SMG1: variants seen among roughly 807,000 people sequenced by gnomAD.
The protein encoded by SMG1 is SMG1 nonsense mediated mRNA decay associated PI3K related kinase, also known as serine/threonine-protein kinase SMG1.
Under a neutral mutation model 419.9 loss-of-function variants are expected in SMG1, and 22 were observed. The observed-to-expected ratio is 0.05, with a 90% CI of 0.04 to 0.07. The LOEUF is 0.07. Ranked by LOEUF, SMG1 falls within the 10% of genes least tolerant of loss-of-function variation. The pLI is 1.00. For synonymous variants in SMG1, 1,538 were observed against 1,553.5 expected, an observed-to-expected ratio of 0.99 and a Z score of 0.23; for missense variants, 3,185 against 4,342.0, an observed-to-expected ratio of 0.73 and a Z score of 7.49.
At chr16:18,920,142 G>A (rs2038138770) in intron 1 of SMG1, among the ~76,000 whole-genome samples, 1 of 151,872 alleles carries the variant, frequency 6.6e-6, no homozygotes, top group Non-Finnish European at 1.5e-5. Context: ...AGCACTTTGG[G>A]AGGCCGAGGC....
At chr16:18,886,107 T>C (rs1240836964) in intron 6 of SMG1, among the ~76,000 whole-genome samples, 1 of 152,030 alleles carries the variant, frequency 6.6e-6, no homozygotes, top group East Asian at 1.9e-4. Context: ...CTGTTTACAA[T>C]ATCCCTAAAT....
chr16:18,926,117 G>A lies in SMG1; in HGVS notation c.-76C>T, dbSNP rs560733104. On this transcript the variant is annotated 5_prime_UTR_variant, in exon 1 of 63. Coordinates refer to ENST00000446231, the MANE Select transcript of SMG1 (RefSeq NM_015092.5). ...GTCGCCGCCCGAACCGGCCGCCGCCGACACCCCGCTCCGGCCCGGGGCTGA... is the reference window on the plus strand; with the variant it reads ...GTCGCCGCCCGAACCGGCCGCCGCCAACACCCCGCTCCGGCCCGGGGCTGA... 2.8e-5 allele frequency: 37 copies of A among 1,342,574 alleles called. No homozygotes were observed. In the East Asian group the frequency reaches 4.3e-4, roughly 16 times the overall value. 83.2% of individuals were successfully genotyped at this position (1,342,574 alleles called of 1,614,324 possible). A position where few individuals can be genotyped will look rare whatever the true frequency, so the allele number is the denominator to read the frequency against.
chr16:18,846,079 G>A (rs555278578), intron 38 of SMG1, among the ~76,000 whole-genome samples: 2 of 152,152 alleles, frequency 1.3e-5, no homozygotes, highest in East Asian at 3.9e-4. Context: ...CTCCCAAAGT[G>A]CCAGAATTAC....
At position 18,889,661 on chromosome 16, in the gene SMG1, T is replaced by G. The variant is rs565653351; in HGVS notation, c.609-76A>C. The G allele has an allele frequency of 1.4e-4, 77 of 552,286 alleles. No homozygotes were observed. The South Asian group carries it at 1.5e-3, about 11-fold the overall frequency. The allele number at this position is 552,286 out of a possible 1,614,324, so 34.2% of individuals were successfully genotyped here. A position where few individuals can be genotyped will look rare whatever the true frequency, so the allele number is the denominator to read the frequency against. ...TCTATGATGACACGAGTAATACATCTTACAAAAGAATGTCTTAAGTGGTTT... is the reference window on the plus strand; with the variant it reads ...TCTATGATGACACGAGTAATACATCGTACAAAAGAATGTCTTAAGTGGTTT... On this transcript the variant is annotated intron_variant, in intron 5 of 62. Coordinates refer to ENST00000446231, the MANE Select transcript of SMG1 (RefSeq NM_015092.5).
intron 57 of SMG1, among the ~76,000 whole-genome samples, chr16:18,817,012 G>A (rs537231945): frequency 1.3e-5 from 2 of 149,422 alleles, no homozygotes; most frequent in African/African-American, 2.5e-5. Context: ...GCTACATATC[G>A]TCTTTCTCCT....
At chr16:18,908,430 T>C (rs3890185) in intron 1 of SMG1, among the ~76,000 whole-genome samples, 42,941 of 139,222 alleles carry the variant, frequency 0.31, 7,367 homozygotes, top group Non-Finnish European at 0.38. Context: ...AAGAGTTACA[T>C]TGCACCACTG....
rs1437123091 is a variant in SMG1, at chr16:18,808,574, GAA to G, written c.*993_*994del. On this transcript the variant is annotated 3_prime_UTR_variant, in exon 63 of 63. Coordinates refer to ENST00000446231, the MANE Select transcript of SMG1 (RefSeq NM_015092.5). ...TATGAAAGAAACTACAGCTATCACA[GAA>G]GAGGGAAAATTTGAATGACCTCCAA... The G allele has an allele frequency of 6.6e-6, 1 of 152,302 alleles. No individual in the cohort carries two copies. The highest frequency in any genetic ancestry group is 1.5e-5 in the Non-Finnish European group (1 of 68,014). 9.4% of individuals were successfully genotyped at this position (152,302 alleles called of 1,614,324 possible). A position where few individuals can be genotyped will look rare whatever the true frequency, so the allele number is the denominator to read the frequency against.
At position 18,808,788 on chromosome 16, in the gene SMG1, T is replaced by C. The variant is rs1029971467; in HGVS notation, c.*781A>G. 3 of 152,664 alleles carry C rather than the reference T, an allele frequency of 2.0e-5. No homozygotes were observed. The highest frequency in any genetic ancestry group is 1.9e-4 in the East Asian group (1 of 5,196). 9.5% of individuals were successfully genotyped at this position (152,664 alleles called of 1,614,324 possible). A position where few individuals can be genotyped will look rare whatever the true frequency, so the allele number is the denominator to read the frequency against. On this transcript the variant is annotated 3_prime_UTR_variant, in exon 63 of 63. Transcript: ENST00000446231. ...CTTTAAACAATCCTTGAATTTTCCA[T>C]GTTATCAGAAGTTGTTAACAGCATC...
At chr16:18,903,447 A>G (rs1402222030) in intron 1 of SMG1, among the ~76,000 whole-genome samples, 3 of 152,058 alleles carry the variant, frequency 2.0e-5, no homozygotes, top group African/African-American at 4.8e-5. Context: ...TCCTTTCCAA[A>G]ACATCTGTAA....
chr16:18,868,622 T>C lies in SMG1; in HGVS notation c.2931A>G (p.Gln977=), dbSNP rs1013279557. 6.9e-6 allele frequency: 11 copies of C among 1,585,246 alleles called. No homozygotes were observed. The highest frequency in any genetic ancestry group is 4.5e-5 in the East Asian group (2 of 44,830). ...ADNDEGHGNN[Q]LRLVLLLQYL... is the part of the protein sequence containing the mutation. ...ACTGCAGAAGAAGAACAAGTCTAAG[T>C]TGGTTGTTACCATGGCCTTCATCAT... Residue 977 remains glutamine (Q), a synonymous_variant, in exon 21 of 63, where the codon CAA becomes CAG. Coordinates refer to ENST00000446231, the MANE Select transcript of SMG1 (RefSeq NM_015092.5).
chr16:18,892,665 G>A (rs1379501800), intron 3 of SMG1, among the ~76,000 whole-genome samples: 3 of 152,012 alleles, frequency 2.0e-5, no homozygotes, highest in Admixed American at 6.6e-5. Flanking sequence ...CCCGTGAGGC[G>A]GAGGTTGCAG....
At chr16:18,846,136 A>C (rs1334908622) in intron 38 of SMG1, among the ~76,000 whole-genome samples, 2 of 152,110 alleles carry the variant, frequency 1.3e-5, no homozygotes, top group African/African-American at 4.8e-5. Flanking sequence ...TTTTTTAAAA[A>C]AATGCAGCTC....
chr16:18,909,419 C>T (rs2037707877), intron 1 of SMG1, among the ~76,000 whole-genome samples: 1 of 151,958 alleles, frequency 6.6e-6, no homozygotes, highest in Non-Finnish European at 1.5e-5. Flanking sequence ...TAGCTCACAC[C>T]TGTAATCCCA....
Position 18,842,398 on chromosome 16 carries a change from A to C in SMG1, c.6276T>G (p.Leu2092=). 2 of 1,614,012 alleles carry C rather than the reference A, an allele frequency of 1.2e-6. No individual in the cohort carries two copies. The highest frequency in any genetic ancestry group is 1.7e-6 in the Non-Finnish European group (2 of 1,179,878). The change falls in exon 40 of 63, where the codon CTT becomes CTG. Residue 2092 remains leucine (L), a synonymous_variant. Transcript: ENST00000446231. The part of the protein sequence containing the change: ...AQKRASYILR[L]EEISPWLAAM... The stretch of plus-strand genomic sequence containing the variant: ...CAGCCAACCATGGACTGATTTCTTC[A>C]AGACGCAAGATGTAACTTGCACGTT...
At chr16:18,838,257 T>C in intron 44 of SMG1, 25 bp from the exon 45 acceptor site, 1 of 1,609,444 alleles carries the variant, frequency 6.2e-7, no homozygotes, top group Non-Finnish European at 8.5e-7. Context: ...GTTTTTAAAA[T>C]AAGGTCTGCC....
At chr16:18,914,199 A>C (rs1596654781) in intron 1 of SMG1, among the ~76,000 whole-genome samples, 1 of 151,906 alleles carries the variant, frequency 6.6e-6, no homozygotes, top group African/African-American at 2.4e-5. Context: ...CCTCTGAAAA[A>C]AGTTTTAAAT....
At chr16:18,833,278 C>T in intron 50 of SMG1, 112 bp from the exon 51 acceptor site, 2 of 661,788 alleles carry the variant, frequency 3.0e-6, no homozygotes. Flanking sequence ...ATGCCATCAA[C>T]TCATTCATGT....
chr16:18,870,584 T>C (rs768391468), intron 18 of SMG1, 26 bp downstream of exon 18: 1 of 1,408,842 alleles, frequency 7.1e-7, no homozygotes. Context: ...TCACAGAATG[T>C]CTTTGCTCCA....
At chr16:18,830,508 G>C (rs903708737) in intron 51 of SMG1, 139 bp from the exon 52 acceptor site, 1 of 987,200 alleles carries the variant, frequency 1.0e-6, no homozygotes, top group Middle Eastern at 2.7e-4. Flanking sequence ...GTGTTATTAG[G>C]CCGGGCGCGG....
Sources: gnomAD v4.1 joint callset for allele counts (sites outside exome capture counted in the v4.1 genomes callset) on GRCh38, gnomAD v4.1.1 for gene constraint, MANE v1.5 for transcripts, NCBI Gene and HGNC (gene_info 2026-07-23, HGNC 2026-07-21) for gene names.